The following PDE4D variants were observed in gnomAD, a reference collection of about 807,000 sequenced individuals.
The protein encoded by PDE4D is 3',5'-cyclic-AMP phosphodiesterase 4D.
Under a neutral mutation model 87.4 loss-of-function variants are expected in PDE4D, and 24 were observed. The observed-to-expected ratio is 0.27, with a 90% CI of 0.20 to 0.39. The LOEUF (loss-of-function observed/expected upper bound fraction) is 0.39, where lower values mean the gene tolerates loss of function less well. Among genes scored for constraint, PDE4D ranks in the 10% least tolerant of loss-of-function variants. The pLI, the probability that PDE4D is intolerant of heterozygous loss-of-function variation, is 1.00. For missense variants in PDE4D, 714 were observed against 1,041.0 expected (o/e 0.69, Z 4.32); for synonymous variants, 384 against 383.2 (o/e 1.00, Z -0.02).
At chr5:59,005,967 T>A (rs1222153033) in intron 6 of PDE4D, among the ~76,000 whole-genome samples, 1 of 152,204 alleles carries the variant, frequency 6.6e-6, no homozygotes, top group African/African-American at 2.4e-5. Flanking sequence ...ATGGTTACTA[T>A]CACCATGGTC....
intron 1 of PDE4D, among the ~76,000 whole-genome samples, chr5:60,209,311 G>A (rs1270527533): frequency 2.8e-5 from 4 of 143,936 alleles, no homozygotes; most frequent in Admixed American, 1.5e-4. Flanking sequence ...GTAGCTTCCC[G>A]TTTTCCAGAG....
rs1581673119 is a variant in PDE4D at position 59,903,250 on chromosome 5, ATAAC to A, written c.272+85234_272+85237del. ...ACGAACATCACAGCAGGAATTAGTAATAACTAACAAGAACTCAGGACAGTTGCCT... is the reference window on the plus strand; with the variant it reads ...ACGAACATCACAGCAGGAATTAGTAATAACAAGAACTCAGGACAGTTGCCT... On this transcript the variant is annotated intron_variant, in intron 3 of 16. Transcript: ENST00000502484. 5.9e-5 allele frequency among the ~76,000 whole-genome samples: 9 copies of A among 152,270 alleles called. No homozygotes were observed. In the East Asian group the frequency reaches 1.7e-3, roughly 29 times the overall value.
At chr5:59,936,976 T>G (rs1756658775) in intron 3 of PDE4D, among the ~76,000 whole-genome samples, 2 of 152,222 alleles carry the variant, frequency 1.3e-5, no homozygotes, top group African/African-American at 4.8e-5. Context: ...TCTTACTTAA[T>G]GCAAAAGAGG....
At chr5:59,408,662 A>T (rs1792129573) in intron 1 of PDE4D, among the ~76,000 whole-genome samples, 1 of 152,204 alleles carries the variant, frequency 6.6e-6, no homozygotes, top group Non-Finnish European at 1.5e-5. Context: ...TGGAGGCTTC[A>T]CCTTGCAAAA....
chr5:59,270,451 A>G (rs1279931710), intron 1 of PDE4D, among the ~76,000 whole-genome samples: 1 of 152,172 alleles, frequency 6.6e-6, no homozygotes, highest in Non-Finnish European at 1.5e-5. Context: ...CTTGCAGAGA[A>G]CAGAAAAACT....
intron 1 of PDE4D, among the ~76,000 whole-genome samples, chr5:59,880,213 C>A (rs943058698): frequency 2.0e-5 from 3 of 152,070 alleles, no homozygotes; most frequent in Non-Finnish European, 4.4e-5. Flanking sequence ...TCAAGCGATC[C>A]TCCTACCCCA....
At chr5:59,381,856 T>A (rs1332594562) in intron 1 of PDE4D, among the ~76,000 whole-genome samples, 1 of 152,110 alleles carries the variant, frequency 6.6e-6, no homozygotes, top group African/African-American at 2.4e-5. Flanking sequence ...CCATTTTTTT[T>A]ATTCAAAGGT....
chr5:59,233,212 T>C (rs1470266409), intron 1 of PDE4D, among the ~76,000 whole-genome samples: 3 of 152,114 alleles, frequency 2.0e-5, no homozygotes, highest in African/African-American at 7.2e-5. Flanking sequence ...ATGCCCAAGG[T>C]GCTGGATACC....
At chr5:60,163,185 G>C (rs1013639900) in intron 2 of PDE4D, among the ~76,000 whole-genome samples, 3 of 152,062 alleles carry the variant, frequency 2.0e-5, no homozygotes, top group African/African-American at 7.2e-5. Flanking sequence ...CATAAACTGC[G>C]TTGGTCAGTC....
At chr5:59,038,995 G>A (rs778246612) in intron 5 of PDE4D, 24 bp from the exon 6 acceptor site, 70 of 1,558,472 alleles carry the variant, frequency 4.5e-5, no homozygotes, top group Non-Finnish European at 5.9e-5. Flanking sequence ...GGGAAAGGGG[G>A]ACTCAGTTCT....
chr5:59,176,496 G>A (rs1262093859), intron 5 of PDE4D, among the ~76,000 whole-genome samples: 2 of 151,672 alleles, frequency 1.3e-5, no homozygotes, highest in Non-Finnish European at 2.9e-5. Flanking sequence ...GGAGGTTGCA[G>A]TGAGCCTCAG....
intron 5 of PDE4D, among the ~76,000 whole-genome samples, chr5:59,074,093 A>G (rs1470415132): frequency 6.6e-6 from 1 of 152,168 alleles, no homozygotes; most frequent in Non-Finnish European, 1.5e-5. Flanking sequence ...TATGCAGCCT[A>G]AACAAATATA....
chr5:60,466,207 G>A (rs1747340600), intron 1 of PDE4D, among the ~76,000 whole-genome samples: 1 of 152,104 alleles, frequency 6.6e-6, no homozygotes, highest in African/African-American at 2.4e-5. Context: ...TTAAAACATA[G>A]GAACGAGATG....
chr5:60,109,901 A>G (rs1026046779), intron 2 of PDE4D, among the ~76,000 whole-genome samples: 1 of 151,896 alleles, frequency 6.6e-6, no homozygotes, highest in Non-Finnish European at 1.5e-5. Flanking sequence ...TAGGAGATAT[A>G]CCTAATGCTA....
At chr5:59,180,510 G>A in intron 5 of PDE4D, 85 bp downstream of exon 5, 1 of 1,012,902 alleles carries the variant, frequency 9.9e-7, no homozygotes, top group Middle Eastern at 2.1e-4. Flanking sequence ...ATTGCAGCAT[G>A]AAATTGGTGT....
intron 1 of PDE4D, among the ~76,000 whole-genome samples, chr5:59,364,199 C>T (rs1782681771): frequency 6.6e-6 from 1 of 152,182 alleles, no homozygotes; most frequent in South Asian, 2.1e-4. Flanking sequence ...CACAATTAGG[C>T]TATTATTAAT....
At chr5:59,977,602 G>A (rs984801513) in intron 3 of PDE4D, among the ~76,000 whole-genome samples, 3 of 152,194 alleles carry the variant, frequency 2.0e-5, no homozygotes, top group Non-Finnish European at 4.4e-5. Context: ...GTGAAGTGAA[G>A]CAGCAAGTGC....
intron 3 of PDE4D, among the ~76,000 whole-genome samples, chr5:59,939,676 T>C (rs1335398037): frequency 1.3e-5 from 2 of 151,760 alleles, no homozygotes; most frequent in Non-Finnish European, 2.9e-5. Flanking sequence ...GTATTTCAGG[T>C]AGAGGATGCA....
intron 1 of PDE4D, among the ~76,000 whole-genome samples, chr5:60,415,396 C>T (rs1583676860): frequency 6.6e-6 from 1 of 152,256 alleles, no homozygotes; most frequent in Non-Finnish European, 1.5e-5. Context: ...ACTGTGGGAG[C>T]CCCTTTCTCG....
Sources: allele counts gnomAD v4.1 joint callset (sites outside exome capture counted in the v4.1 genomes callset), GRCh38; gene constraint gnomAD v4.1.1; transcripts MANE v1.5; gene names NCBI Gene and HGNC (gene_info 2026-07-23, HGNC 2026-07-21).